Variants in FBLN2 observed in about 807,000 individuals in gnomAD.
FBLN2 encodes fibulin 2.
Under a neutral mutation model 123.7 loss-of-function variants are expected in FBLN2, and 81 were observed. The observed-to-expected ratio is 0.65, with a 90% CI of 0.55 to 0.79. The LOEUF (loss-of-function observed/expected upper bound fraction) is 0.79. Ranked by LOEUF, FBLN2 falls within the 30% of genes least tolerant of loss-of-function variation. The probability of loss-of-function intolerance (pLI) is 0.00; values close to 1 mark genes in which losing one functional copy is unlikely to be tolerated. For missense variants in FBLN2, 1,603 were observed against 1,681.3 expected (o/e 0.95, Z 0.81); for synonymous variants, 699 against 701.4 (o/e 1.00, Z 0.05).
rs763687824 is a variant in FBLN2 at position 13,618,966 on chromosome 3, G to A, written c.2002G>A (p.Val668Met). 8 of 1,613,138 alleles carry A rather than the reference G, an allele frequency of 5.0e-6. No individual in the cohort carries two copies. The highest frequency in any genetic ancestry group is 4.4e-5 in the South Asian group (4 of 90,896). ...EPALKSEFSQ[V>M]ASNTIPLPLP... ...TGCACTGAAGTCAGAATTTTCCCAG[G>A]TGGCCTCTAACACCATCCCGCTGCC... The change falls in exon 7 of 18, where the codon GTG becomes ATG. Residue 668 changes from valine (V) to methionine (M), a missense_variant. Val to Met is a conservative substitution (Grantham distance 21). Transcript: ENST00000404922.
chr3:13,604,047 G>A (rs1465064801), intron 2 of FBLN2, among the ~76,000 whole-genome samples: 1 of 152,184 alleles, frequency 6.6e-6, no homozygotes, highest in African/African-American at 2.4e-5. Context: ...TTTGAGAAGT[G>A]TCTGTTCATA....
rs150163289 is a variant in FBLN2, at chr3:13,598,355, G to A, written c.1307-9707G>A. 8.3e-4 allele frequency among the ~76,000 whole-genome samples: 126 copies of A among 152,302 alleles called. 1 individual carries two copies. The highest frequency in any genetic ancestry group is 1.6e-3 in the Non-Finnish European group (106 of 68,028). ...GCAAGGAAATGGAGGCTCAGAAGCC[G>A]AGTGACTCGCCCAAGTGCCCCAGCC... is the stretch of plus-strand genomic sequence containing the variant. On this transcript the variant is annotated intron_variant, in intron 2 of 17. Transcript: ENST00000404922.
At chr3:13,587,260 GT>G (rs1199324085) in intron 2 of FBLN2, among the ~76,000 whole-genome samples, 2 of 151,870 alleles carry the variant, frequency 1.3e-5, no homozygotes, top group Non-Finnish European at 2.9e-5. Flanking sequence ...ATGTTTTAAG[GT>G]AAGCGTTATT....
Position 13,570,746 on chromosome 3 carries a change from T to A in FBLN2, c.391T>A (p.Cys131Ser). 6.2e-7 allele frequency: 1 copy of A among 1,601,204 alleles called. No homozygotes were observed. Among genetic ancestry groups the A allele is most frequent in the African/African-American group, 1.3e-5 (1 of 74,836 alleles). ...CGAGGCTGTAGTGGTGGCTGACAGC[T>A]GCCCACAGTGCGGCCAGGTGGGCTG... ...CIEAVVVADSCPQCGQVGCVH... is the reference protein window; with the variant it reads ...CIEAVVVADSSPQCGQVGCVH... The change falls in exon 2 of 18, where the codon TGC becomes AGC. Residue 131 changes from cysteine (C) to serine (S), a missense_variant. Cys to Ser is a moderately radical substitution (Grantham distance 112). Coordinates refer to ENST00000404922, the MANE Select transcript of FBLN2 (RefSeq NM_001004019.2).
intron 1 of FBLN2, among the ~76,000 whole-genome samples, chr3:13,561,620 A>G (rs1461092553): frequency 6.6e-6 from 1 of 152,336 alleles, no homozygotes; most frequent in Admixed American, 6.5e-5. Context: ...GATATCAGCA[A>G]GTAGGTTGCC....
At chr3:13,632,162 C>G (rs1190030046) in intron 16 of FBLN2, among the ~76,000 whole-genome samples, 1 of 152,208 alleles carries the variant, frequency 6.6e-6, no homozygotes, top group African/African-American at 2.4e-5. Flanking sequence ...GGATTCTGGG[C>G]CTGGTAAGCC....
intron 5 of FBLN2, among the ~76,000 whole-genome samples, chr3:13,616,230 G>A (rs1190456653): frequency 1.3e-5 from 2 of 152,214 alleles, no homozygotes; most frequent in Non-Finnish European, 2.9e-5. Context: ...TGGTGTGAAG[G>A]CCAGGTTAGT....
intron 9 of FBLN2, among the ~76,000 whole-genome samples, chr3:13,624,936 T>C (rs1056082846): frequency 6.6e-6 from 1 of 152,248 alleles, no homozygotes; most frequent in African/African-American, 2.4e-5. Context: ...GTTGGTGGCC[T>C]CTGTGGCCCC....
intron 9 of FBLN2, among the ~76,000 whole-genome samples, chr3:13,622,368 G>A (rs1440784357): frequency 2.0e-5 from 3 of 152,202 alleles, no homozygotes; most frequent in Admixed American, 6.5e-5. Context: ...CTCTTTTGAC[G>A]ATTGTGTGAC....
intron 5 of FBLN2, among the ~76,000 whole-genome samples, chr3:13,615,203 G>A (rs1220489723): frequency 6.6e-6 from 1 of 152,236 alleles, no homozygotes; most frequent in Non-Finnish European, 1.5e-5. Flanking sequence ...GTGCCCCAGT[G>A]AGTCAGCAGA....
In FBLN2 at chr3:13,624,170, C is replaced by T. The variant is rs909126369; in HGVS notation, c.2296+2255C>T. Among the ~76,000 whole-genome samples, 84 of 152,166 alleles carry T rather than the reference C, an allele frequency of 5.5e-4. 1 individual carries two copies. The highest frequency in any genetic ancestry group is 1.8e-3 in the African/African-American group (74 of 41,432). On this transcript the variant is annotated intron_variant, in intron 9 of 17. Coordinates refer to ENST00000404922, the MANE Select transcript of FBLN2 (RefSeq NM_001004019.2). ...TGGGTACAAGGGTACAGCTCTGGGC[C>T]GGGCACTCTGGCTTCCGTTCTTGAT...
chr3:13,610,676 G>A (rs977216041), intron 4 of FBLN2, among the ~76,000 whole-genome samples: 2 of 152,178 alleles, frequency 1.3e-5, no homozygotes, highest in African/African-American at 2.4e-5. Context: ...GGCGGACAGG[G>A]TGTCAGTTTG....
At chr3:13,587,060 G>T (rs1574963126) in intron 2 of FBLN2, among the ~76,000 whole-genome samples, 1 of 150,344 alleles carries the variant, frequency 6.7e-6, no homozygotes, top group Middle Eastern at 3.4e-3. Flanking sequence ...TAGGAGAATC[G>T]CTTGAGCCCG....
Position 13,611,017 on chromosome 3 carries a change from C to T in FBLN2, c.1548+1375C>T, listed in dbSNP as rs192876483. On this transcript the variant is annotated intron_variant, in intron 4 of 17. Transcript: ENST00000404922. Reference sequence around the variant, plus strand: ...CACCTCCCGGGTTCAAGCAATTCTCCTGCCTCAGCCTCCCGAGTAGCTGGG... The same window carrying T: ...CACCTCCCGGGTTCAAGCAATTCTCTTGCCTCAGCCTCCCGAGTAGCTGGG... Among the ~76,000 whole-genome samples the T allele has an allele frequency of 5.3e-5, 8 of 152,196 alleles. No individual in the cohort carries two copies. In the East Asian group the frequency reaches 1.5e-3, roughly 29 times the overall value.
rs1705864674 is a variant in FBLN2, at chr3:13,621,888, A to G, written c.2269A>G (p.Ile757Val). Reference sequence around the variant, plus strand: ...CACAGTGCTCTGTGCCGATGGCTATATCCTCAATGCGCACAGGAAGTGCGT... The same window carrying G: ...CACAGTGCTCTGTGCCGATGGCTATGTCCTCAATGCGCACAGGAAGTGCGT... The part of the protein sequence containing the change: ...NHTVLCADGY[I>V]LNAHRKCVDI... Residue 757 changes from isoleucine (I) to valine (V), a missense_variant, in exon 9 of 18, where the codon ATC becomes GTC. Ile to Val is a conservative substitution (Grantham distance 29). Transcript: ENST00000404922. The G allele has an allele frequency of 6.2e-7, 1 of 1,613,700 alleles. No individual in the cohort carries two copies. Among genetic ancestry groups the G allele is most frequent in the Non-Finnish European group, 8.5e-7 (1 of 1,179,802 alleles).
chr3:13,607,472 G>A (rs1308065109), intron 2 of FBLN2, among the ~76,000 whole-genome samples: 2 of 152,184 alleles, frequency 1.3e-5, no homozygotes, highest in African/African-American at 4.8e-5. Context: ...TGTCTTAGGG[G>A]TTGCAGAGGT....
intron 1 of FBLN2, among the ~76,000 whole-genome samples, chr3:13,560,520 A>T (rs527552933): frequency 4.6e-5 from 7 of 152,226 alleles, no homozygotes; most frequent in African/African-American, 1.7e-4. Context: ...CACCTGTTCA[A>T]CAGAAAGGAC....
At chr3:13,593,670 C>T (rs902268576) in intron 2 of FBLN2, among the ~76,000 whole-genome samples, 7 of 146,952 alleles carry the variant, frequency 4.8e-5, no homozygotes, top group Admixed American at 2.1e-4. Flanking sequence ...GCTGAGATCG[C>T]GCCACTGCAT....
intron 2 of FBLN2, among the ~76,000 whole-genome samples, chr3:13,586,701 A>G (rs9861792): frequency 0.23 from 32,014 of 138,974 alleles, 4,959 homozygotes; most frequent in African/African-American, 0.44. Context: ...GTAGAGACGG[A>G]TTTTACCATG....
Sources: gnomAD v4.1 joint callset for allele counts (sites outside exome capture counted in the v4.1 genomes callset) on GRCh38, gnomAD v4.1.1 for gene constraint, MANE v1.5 for transcripts, NCBI Gene and HGNC (gene_info 2026-07-23, HGNC 2026-07-21) for gene names.